The following ENPP2 variants were observed in gnomAD, a reference collection of about 807,000 sequenced individuals.
ENPP2 encodes ectonucleotide pyrophosphatase/phosphodiesterase 2.
ENPP2 carries 51 observed loss-of-function variants against 120.2 expected under a neutral mutation model. The ratio of observed to expected loss-of-function variants is 0.42; its 90% CI spans 0.34 to 0.54. ENPP2 has a LOEUF of 0.54. Among genes scored for constraint, ENPP2 ranks in the 20% least tolerant of loss-of-function variants. The pLI is 0.04. For synonymous variants in ENPP2, 365 were observed against 366.4 expected (o/e 1.00, Z 0.04); for missense variants, 920 against 1,066.5 (o/e 0.86, Z 1.91).
At position 119,586,062 on chromosome 8, in the gene ENPP2, T is replaced by C. The variant is rs576264601; in HGVS notation, c.1367+124A>G. On this transcript the variant is annotated intron_variant, in intron 15 of 24. Coordinates refer to ENST00000075322, the MANE Select transcript of ENPP2 (RefSeq NM_001040092.3). The stretch of plus-strand genomic sequence containing the variant: ...ATGGTTTATGTAGCCCACAAAATCT[T>C]TGGAAACAGTGAGATTTCCAACTGA... 2.7e-5 allele frequency: 29 copies of C among 1,088,818 alleles called. No individual in the cohort carries two copies. In the South Asian group the frequency reaches 4.4e-4, roughly 17 times the overall value. The allele number at this position is 1,088,818 out of a possible 1,614,324, so 67.4% of individuals were successfully genotyped here. A position where few individuals can be genotyped will look rare whatever the true frequency, so the allele number is the denominator to read the frequency against.
chr8:119,615,722 T>C (rs1815410949), intron 8 of ENPP2, among the ~76,000 whole-genome samples: 1 of 152,190 alleles, frequency 6.6e-6, no homozygotes, highest in Non-Finnish European at 1.5e-5. Flanking sequence ...AGTTTCCCTG[T>C]TTCTGTTATT....
chr8:119,619,741 C>T (rs1428004845), intron 4 of ENPP2, among the ~76,000 whole-genome samples: 1 of 148,158 alleles, frequency 6.7e-6, no homozygotes, highest in African/African-American at 2.5e-5. Context: ...TTAGAATCTA[C>T]AGAGATAATA....
intron 1 of ENPP2, among the ~76,000 whole-genome samples, chr8:119,659,059 A>T (rs886127088): frequency 6.6e-6 from 1 of 152,080 alleles, no homozygotes; most frequent in Non-Finnish European, 1.5e-5. Context: ...TCACACCTGT[A>T]GTCCCAGCAC....
chr8:119,607,180 C>A (rs1386288994), intron 9 of ENPP2, among the ~76,000 whole-genome samples: 1 of 152,094 alleles, frequency 6.6e-6, no homozygotes, highest in African/African-American at 2.4e-5. Flanking sequence ...AGGCCTGAGA[C>A]CATCTAGATA....
intron 9 of ENPP2, 42 bp downstream of exon 9, chr8:119,607,880 A>G (rs774792984): frequency 6.7e-6 from 8 of 1,201,334 alleles, no homozygotes; most frequent in Non-Finnish European, 9.7e-6. Flanking sequence ...ATTGAATCAT[A>G]GCTGTCATTT....
chr8:119,568,215 G>A lies in ENPP2; in HGVS notation c.2091C>T (p.Phe697=). The A allele has an allele frequency of 6.2e-7, 1 of 1,600,426 alleles. No homozygotes were observed. Among genetic ancestry groups the A allele is most frequent in the Non-Finnish European group, 8.6e-7 (1 of 1,168,638 alleles). Residue 697 remains phenylalanine (F), a synonymous_variant, in exon 22 of 25, where the codon TTC becomes TTT. Transcript: ENST00000075322. ...SSSPEAKYDA[F]LVTNMVPMYP... Reference sequence around the variant, plus strand: ...ACATTGGAACCATATTGGTTACAAGGAATGCATCATATTTAGCCTCTGGTG... The same window carrying A: ...ACATTGGAACCATATTGGTTACAAGAAATGCATCATATTTAGCCTCTGGTG...
intron 3 of ENPP2, 82 bp downstream of exon 3, chr8:119,626,483 G>C (rs1314476065): frequency 2.8e-6 from 3 of 1,078,412 alleles, no homozygotes; most frequent in Non-Finnish European, 4.2e-6. Flanking sequence ...CCAAAGCAGG[G>C]TGGCCACTCC....
chr8:119,619,294 A>T lies in ENPP2; in HGVS notation c.429T>A (p.His143Gln), dbSNP rs564718427. Reference sequence around the variant, plus strand: ...TTTCCTCACAGTCATCATCAACCCAATGCGACTCTCCTATAAGGAAAAATG... The same window carrying T: ...TTTCCTCACAGTCATCATCAACCCATTGCGACTCTCCTATAAGGAAAAATG... ...NYQVVCKGES[H>Q]WVDDDCEEIK... The change falls in exon 5 of 25, where the codon CAT becomes CAA. Residue 143 changes from histidine to glutamine, a missense_variant. Coordinates refer to ENST00000075322, the MANE Select transcript of ENPP2 (RefSeq NM_001040092.3). 1.1e-4 allele frequency: 169 copies of T among 1,609,446 alleles called. 1 individual carries two copies. The South Asian group carries it at 1.8e-3, about 17-fold the overall frequency.
chr8:119,607,588 T>C (rs1814809003), intron 9 of ENPP2, among the ~76,000 whole-genome samples: 2 of 151,070 alleles, frequency 1.3e-5, no homozygotes, highest in South Asian at 4.2e-4. Flanking sequence ...GGCAGGAGAA[T>C]CACTTGAACC....
chr8:119,579,043 T>C (rs1049504030), intron 19 of ENPP2, among the ~76,000 whole-genome samples: 1 of 152,264 alleles, frequency 6.6e-6, no homozygotes, highest in Admixed American at 6.5e-5. Flanking sequence ...TTGTGGCTGC[T>C]ATGCTTGAAT....
At chr8:119,569,204 A>G (rs1350206973) in intron 21 of ENPP2, 31 bp downstream of exon 21, 3 of 1,609,370 alleles carry the variant, frequency 1.9e-6, no homozygotes, top group Non-Finnish European at 2.6e-6. Context: ...CATCCCTCTG[A>G]AGGCATCAGA....
chr8:119,595,341 A>G (rs1295277345), intron 11 of ENPP2, among the ~76,000 whole-genome samples: 2 of 152,200 alleles, frequency 1.3e-5, no homozygotes, highest in Non-Finnish European at 2.9e-5. Flanking sequence ...TGGAAATTAC[A>G]TACAACTCTA....
chr8:119,590,659 C>A, intron 12 of ENPP2, 29 bp from the exon 13 acceptor site: 1 of 1,464,488 alleles, frequency 6.8e-7, no homozygotes, highest in South Asian at 1.4e-5. Flanking sequence ...AGAATATTTT[C>A]AGGCAAGACT....
chr8:119,629,309 ATAT>A (rs1270769270), intron 2 of ENPP2, among the ~76,000 whole-genome samples: 1 of 152,164 alleles, frequency 6.6e-6, no homozygotes, highest in East Asian at 1.9e-4. Flanking sequence ...ATCCTAACAA[ATAT>A]TATTGACATG....
chr8:119,659,817 C>T (rs1462696038), intron 1 of ENPP2, among the ~76,000 whole-genome samples: 1 of 152,120 alleles, frequency 6.6e-6, no homozygotes, highest in Admixed American at 6.5e-5. Flanking sequence ...AATTGCTTGT[C>T]TTGTATTAAG....
At chr8:119,618,933 T>C (rs1348960326) in intron 5 of ENPP2, among the ~76,000 whole-genome samples, 4 of 151,836 alleles carry the variant, frequency 2.6e-5, no homozygotes, top group African/African-American at 9.7e-5. Flanking sequence ...GGAAAAACAA[T>C]ACTGAAAAAA....
At chr8:119,647,291 A>G (rs899309209) in intron 1 of ENPP2, among the ~76,000 whole-genome samples, 1 of 152,034 alleles carries the variant, frequency 6.6e-6, no homozygotes, top group Non-Finnish European at 1.5e-5. Flanking sequence ...CACTGCGCCC[A>G]GCCCGTCTGC....
chr8:119,610,187 C>A (rs1307626868), intron 8 of ENPP2, among the ~76,000 whole-genome samples: 4 of 151,798 alleles, frequency 2.6e-5, no homozygotes, highest in African/African-American at 9.7e-5. Context: ...AAAAACTAAC[C>A]AATTTTAAAA....
chr8:119,626,857 T>G, intron 2 of ENPP2, 137 bp from the exon 3 acceptor site: 1 of 745,610 alleles, frequency 1.3e-6, no homozygotes, highest in South Asian at 1.9e-5. Flanking sequence ...TTACTACCCA[T>G]GTACTCTGGG....
Sources: gnomAD v4.1 joint callset for allele counts (sites outside exome capture counted in the v4.1 genomes callset) on GRCh38, gnomAD v4.1.1 for gene constraint, MANE v1.5 for transcripts, NCBI Gene and HGNC (gene_info 2026-07-23, HGNC 2026-07-21) for gene names.